The following TMPRSS11B variants were observed in gnomAD, a reference collection of about 807,000 sequenced individuals.
The protein encoded by TMPRSS11B is transmembrane protease serine 11B.
Under a neutral mutation model 44.7 loss-of-function variants are expected in TMPRSS11B, and 53 were observed. The observed-to-expected ratio is 1.19, with a 90% CI of 0.95 to 1.49. The LOEUF (loss-of-function observed/expected upper bound fraction) is 1.49, where lower values mean the gene tolerates loss of function less well. Ranked by LOEUF, TMPRSS11B falls within the 40% of genes most tolerant of loss-of-function variation. TMPRSS11B has a pLI of 0.00. For missense variants in TMPRSS11B, 526 were observed against 494.8 expected (o/e 1.06, Z -0.60); for synonymous variants, 140 against 159.2 (o/e 0.88, Z 0.91).
rs546636101 is a variant in TMPRSS11B, at chr4:68,236,334, C to T, written c.125-68G>A. 92 of 949,292 alleles carry T rather than the reference C, an allele frequency of 9.7e-5. No homozygotes were observed. The African/African-American group carries it at 1.4e-3, about 15-fold the overall frequency. 58.8% of individuals were successfully genotyped at this position (949,292 alleles called of 1,614,324 possible). On this transcript the variant is annotated intron_variant, in intron 2 of 9. Coordinates refer to ENST00000332644, the MANE Select transcript of TMPRSS11B (RefSeq NM_182502.3). ...GAAAGTGACTTTAAAGCGATTTATA[C>T]CTCTGCCTCAACATTCCACCCAGCT...
rs184721606 is a variant in TMPRSS11B at position 68,240,519 on chromosome 4, C to T, written c.124+1170G>A. Among the ~76,000 whole-genome samples the T allele has an allele frequency of 3.3e-4, 51 of 152,256 alleles. No individual in the cohort carries two copies. In the East Asian group the frequency reaches 7.5e-3, roughly 23 times the overall value. The stretch of plus-strand genomic sequence containing the variant: ...TTTGCACCACTCCTTTCCATTAAGA[C>T]CTTGCTTCCCCAGGAAAGGGGACCT... On this transcript the variant is annotated intron_variant, in intron 2 of 9. Transcript: ENST00000332644.
At chr4:68,236,782 A>G (rs1205701930) in intron 2 of TMPRSS11B, among the ~76,000 whole-genome samples, 1 of 152,132 alleles carries the variant, frequency 6.6e-6, no homozygotes, top group Non-Finnish European at 1.5e-5. Flanking sequence ...CAATTCTAAT[A>G]CAGGAAACAT....
At chr4:68,234,391 T>A in intron 5 of TMPRSS11B, 72 bp downstream of exon 5, 1 of 1,509,136 alleles carries the variant, frequency 6.6e-7, no homozygotes, top group Non-Finnish European at 8.9e-7. Flanking sequence ...TTAGTTCACT[T>A]TTTAGTACTT....
At chr4:68,237,763 C>T (rs1204243012) in intron 2 of TMPRSS11B, among the ~76,000 whole-genome samples, 1 of 152,140 alleles carries the variant, frequency 6.6e-6, no homozygotes, top group African/African-American at 2.4e-5. Context: ...TGCCTATAGT[C>T]CTAGCAGTTT....
chr4:68,232,262 T>G, intron 6 of TMPRSS11B, 116 bp downstream of exon 6: 1 of 928,232 alleles, frequency 1.1e-6, no homozygotes, highest in Non-Finnish European at 1.6e-6. Flanking sequence ...ATCTAGTAAT[T>G]CGGAAAGCGT....
intron 1 of TMPRSS11B, among the ~76,000 whole-genome samples, chr4:68,242,257 AAT>A (rs1393074711): frequency 1.2e-4 from 9 of 77,318 alleles, no homozygotes; most frequent in South Asian, 2.7e-4. Context: ...TATATATTAT[AAT>A]ATATATAATA....
rs775007448 is a variant in TMPRSS11B at position 68,239,267 on chromosome 4, C to T, written c.124+2422G>A. On this transcript the variant is annotated intron_variant, in intron 2 of 9. Transcript: ENST00000332644. Reference sequence around the variant, plus strand: ...TCTCTCTTGCGCGCTCTCTCTCGCGCGCGCGCTCTCTCTCTCGCACTCTAT... The same window carrying T: ...TCTCTCTTGCGCGCTCTCTCTCGCGTGCGCGCTCTCTCTCTCGCACTCTAT... 5.5e-5 allele frequency among the ~76,000 whole-genome samples: 8 copies of T among 144,322 alleles called. No individual in the cohort carries two copies. The East Asian group carries it at 5.8e-4, about 10-fold the overall frequency. 94.7% of individuals were successfully genotyped at this position (144,322 alleles called of 152,430 possible).
In TMPRSS11B at chr4:68,228,666, A is replaced by G. The variant is rs1014693361; in HGVS notation, c.1089+76T>C. ...CTACTATGTCAGTATTATTAACACAAAAAAAATTTTATGTGGATAAAAACT... is the reference window on the plus strand; with the variant it reads ...CTACTATGTCAGTATTATTAACACAGAAAAAATTTTATGTGGATAAAAACT... On this transcript the variant is annotated intron_variant, in intron 9 of 9. Coordinates refer to ENST00000332644, the MANE Select transcript of TMPRSS11B (RefSeq NM_182502.3). 73 of 1,501,328 alleles carry G rather than the reference A, an allele frequency of 4.9e-5. No individual in the cohort carries two copies. In the African/African-American group the frequency reaches 1.0e-3, roughly 21 times the overall value. The allele number at this position is 1,501,328 out of a possible 1,614,324, so 93.0% of individuals were successfully genotyped here.
At chr4:68,229,033 T>G (rs1719433160) in intron 8 of TMPRSS11B, 149 bp from the exon 9 acceptor site, 1 of 979,976 alleles carries the variant, frequency 1.0e-6, no homozygotes, top group Non-Finnish European at 1.5e-6. Flanking sequence ...TTTGTAATAG[T>G]TGGCTGCCTA....
rs543434051 is a variant in TMPRSS11B at position 68,241,745 on chromosome 4, C to G, written c.68G>C (p.Gly23Ala). 5.0e-6 allele frequency: 8 copies of G among 1,612,958 alleles called. No individual in the cohort carries two copies. The African/African-American group carries it at 9.4e-5, about 19-fold the overall frequency. ...GGTTACTCCCAAGATTGCCGCCACTCCAAGAAAAATAAAGATCGTAGTCCA... is the reference window on the plus strand; with the variant it reads ...GGTTACTCCCAAGATTGCCGCCACTGCAAGAAAAATAAAGATCGTAGTCCA... ...PLWTTIFIFL[G>A]VAAILGVTIG... The change falls in exon 2 of 10, where the codon GGA becomes GCA. Residue 23 changes from glycine to alanine, a missense_variant. By Grantham distance (60) the Gly-to-Ala change is moderately conservative. Coordinates refer to ENST00000332644, the MANE Select transcript of TMPRSS11B (RefSeq NM_182502.3).
At chr4:68,240,810 G>A (rs1719802204) in intron 2 of TMPRSS11B, among the ~76,000 whole-genome samples, 1 of 151,780 alleles carries the variant, frequency 6.6e-6, no homozygotes, top group African/African-American at 2.4e-5. Context: ...AAGAAACTGT[G>A]TAATTTTTGC....
At chr4:68,245,315 A>C (rs1448772542) in intron 1 of TMPRSS11B, among the ~76,000 whole-genome samples, 1 of 152,156 alleles carries the variant, frequency 6.6e-6, no homozygotes, top group Non-Finnish European at 1.5e-5. Flanking sequence ...TTATATATTT[A>C]TATTCTTTCC....
chr4:68,229,684 A>C, intron 7 of TMPRSS11B, 168 bp from the exon 8 acceptor site: 1 of 568,230 alleles, frequency 1.8e-6, no homozygotes, highest in South Asian at 3.0e-5. Context: ...TAAATGTTGC[A>C]GTCACTTAAA....
At chr4:68,234,664 C>G in intron 4 of TMPRSS11B, 41 bp from the exon 5 acceptor site, 8 of 1,597,726 alleles carry the variant, frequency 5.0e-6, no homozygotes, top group South Asian at 4.6e-5. Context: ...GTTTCTTGAT[C>G]TTTTAGAGGT....
intron 2 of TMPRSS11B, among the ~76,000 whole-genome samples, chr4:68,238,477 A>G (rs1425032387): frequency 6.6e-6 from 1 of 151,930 alleles, no homozygotes; most frequent in Non-Finnish European, 1.5e-5. Context: ...TAATCCCAGA[A>G]CTTTGGAGGC....
chr4:68,241,942 G>A (rs1719837259), intron 1 of TMPRSS11B, 138 bp from the exon 2 acceptor site: 4 of 596,362 alleles, frequency 6.7e-6, no homozygotes, highest in Non-Finnish European at 1.2e-5. Context: ...AACCTCAAAT[G>A]CCTCAAAGAG....
chr4:68,229,152 T>C, intron 8 of TMPRSS11B, 105 bp downstream of exon 8: 1 of 1,241,772 alleles, frequency 8.1e-7, no homozygotes, highest in East Asian at 2.4e-5. Context: ...TTTCAGTATA[T>C]TTACTGATTG....
rs1719371085 is a variant in TMPRSS11B at position 68,227,059 on chromosome 4, G to A, written c.*852C>T. The A allele has an allele frequency of 6.6e-6, 1 of 152,134 alleles. No homozygotes were observed. Among genetic ancestry groups the A allele is most frequent in the Non-Finnish European group, 1.5e-5 (1 of 68,024 alleles). 9.4% of individuals were successfully genotyped at this position (152,134 alleles called of 1,614,324 possible). ...TCTCTTCTCTGGTCTTCAGTTTCTTGATCTGTAAATTGAAAGACTCAGTGT... is the reference window on the plus strand; with the variant it reads ...TCTCTTCTCTGGTCTTCAGTTTCTTAATCTGTAAATTGAAAGACTCAGTGT... On this transcript the variant is annotated 3_prime_UTR_variant, in exon 10 of 10. Transcript: ENST00000332644.
At chr4:68,244,760 G>A (rs1719954043) in intron 1 of TMPRSS11B, among the ~76,000 whole-genome samples, 1 of 152,110 alleles carries the variant, frequency 6.6e-6, no homozygotes, top group African/African-American at 2.4e-5. Flanking sequence ...CACTGCTTTA[G>A]GAGTTAAACA....
Sources: gnomAD v4.1 joint callset for allele counts (sites outside exome capture counted in the v4.1 genomes callset) on GRCh38, gnomAD v4.1.1 for gene constraint, MANE v1.5 for transcripts, NCBI Gene and HGNC (gene_info 2026-07-23, HGNC 2026-07-21) for gene names.